Variants in ROBO2 observed in about 807,000 individuals in gnomAD.
ROBO2 encodes roundabout homolog 2.
Under a neutral mutation model 160.8 loss-of-function variants are expected in ROBO2, and 53 were observed. That is an observed-to-expected ratio of 0.33 (90% CI 0.26 to 0.41). The LOEUF (loss-of-function observed/expected upper bound fraction) is 0.41, where lower values mean the gene tolerates loss of function less well. ROBO2 is among the 10% of genes least tolerant of loss of function. The probability of loss-of-function intolerance (pLI) is 1.00; values close to 1 mark genes in which losing one functional copy is unlikely to be tolerated. For synonymous variants in ROBO2, 664 were observed against 611.7 expected, an observed-to-expected ratio of 1.09 and a Z score of -1.26; for missense variants, 1,577 against 1,722.4, an observed-to-expected ratio of 0.92 and a Z score of 1.49.
At chr3:77,082,657 T>G (rs1210089909) in intron 1 of ROBO2, among the ~76,000 whole-genome samples, 5 of 151,670 alleles carry the variant, frequency 3.3e-5, no homozygotes, top group Admixed American at 6.6e-5. Flanking sequence ...ATATACAATT[T>G]CTTTCAGTGT....
intron 2 of ROBO2, among the ~76,000 whole-genome samples, chr3:76,889,776 G>A (rs2074196755): frequency 6.6e-6 from 1 of 152,196 alleles, no homozygotes; most frequent in Admixed American, 6.5e-5. Context: ...GGAATAGAGA[G>A]TGCTTGGGGA....
At chr3:76,731,576 G>A (rs2093638388) in intron 2 of ROBO2, among the ~76,000 whole-genome samples, 1 of 152,100 alleles carries the variant, frequency 6.6e-6, no homozygotes, top group Non-Finnish European at 1.5e-5. Flanking sequence ...TGAATGACCA[G>A]ATTGAAATAA....
chr3:77,017,648 G>C (rs528803311), intron 2 of ROBO2, among the ~76,000 whole-genome samples: 176 of 152,100 alleles, frequency 1.2e-3, no homozygotes, highest in Non-Finnish European at 2.0e-3. Flanking sequence ...GACACATCAG[G>C]TAGAAACACA....
chr3:76,928,465 T>C (rs927111447), intron 2 of ROBO2, among the ~76,000 whole-genome samples: 1 of 152,064 alleles, frequency 6.6e-6, no homozygotes, highest in African/African-American at 2.4e-5. Context: ...TTTTTTTTTT[T>C]TTTTGCAGAA....
chr3:76,798,486 T>C lies in ROBO2; in HGVS notation c.110-299528T>C, dbSNP rs1233209017. ...AGTTCAACATATGCAAGTCAGTCAA[T>C]GTGATACATCATTTGAACTGAATGA... is the stretch of plus-strand genomic sequence containing the variant. On this transcript the variant is annotated intron_variant, in intron 2 of 26. Coordinates refer to the ROBO2 transcript ENST00000487694. Among the ~76,000 whole-genome samples the C allele has an allele frequency of 2.0e-5, 3 of 152,214 alleles. No individual in the cohort carries two copies. In the East Asian group the frequency reaches 5.8e-4, roughly 29 times the overall value.
chr3:76,806,608 T>C (rs1176573399), intron 2 of ROBO2, among the ~76,000 whole-genome samples: 1 of 152,020 alleles, frequency 6.6e-6, no homozygotes, highest in Non-Finnish European at 1.5e-5. Context: ...TTCTCAGAGA[T>C]GCAATCCAAA....
chr3:76,167,020 C>T (rs1400547489), intron 2 of ROBO2, among the ~76,000 whole-genome samples: 1 of 152,116 alleles, frequency 6.6e-6, no homozygotes, highest in Non-Finnish European at 1.5e-5. Context: ...TCTTGGCTCA[C>T]TGGTCTGCCT....
intron 2 of ROBO2, among the ~76,000 whole-genome samples, chr3:76,570,971 A>C (rs1450761160): frequency 6.6e-6 from 1 of 152,154 alleles, no homozygotes; most frequent in African/African-American, 2.4e-5. Flanking sequence ...GAATACAAGA[A>C]AAAATGTTCT....
intron 2 of ROBO2, among the ~76,000 whole-genome samples, chr3:76,679,721 G>A (rs541431785): frequency 5.9e-5 from 9 of 152,194 alleles, no homozygotes; most frequent in South Asian, 2.1e-4. Flanking sequence ...GCTACATTAG[G>A]TAACATATAA....
chr3:75,956,395 G>A (rs1948724180), intron 2 of ROBO2, among the ~76,000 whole-genome samples: 1 of 151,618 alleles, frequency 6.6e-6, no homozygotes, highest in East Asian at 2.0e-4. Context: ...TGAGACTTAT[G>A]CATTACAAAT....
intron 1 of ROBO2, among the ~76,000 whole-genome samples, chr3:77,063,781 A>G (rs1203526296): frequency 2.6e-5 from 4 of 152,196 alleles, no homozygotes; most frequent in Non-Finnish European, 4.4e-5. Context: ...TGCCTATTCT[A>G]GACTCAGCCA....
chr3:76,797,191 A>C (rs2063765212), intron 2 of ROBO2, among the ~76,000 whole-genome samples: 1 of 152,160 alleles, frequency 6.6e-6, no homozygotes, highest in South Asian at 2.1e-4. Context: ...CAGACCTTAC[A>C]TTAGGCCAAA....
intron 2 of ROBO2, among the ~76,000 whole-genome samples, chr3:76,038,137 G>A (rs550771822): frequency 1.3e-5 from 2 of 152,142 alleles, no homozygotes; most frequent in South Asian, 4.1e-4. Context: ...GTTTGGGAAA[G>A]AACAGGAAGT....
At chr3:76,759,612 T>C (rs939570955) in intron 2 of ROBO2, among the ~76,000 whole-genome samples, 2 of 151,724 alleles carry the variant, frequency 1.3e-5, no homozygotes, top group Non-Finnish European at 2.9e-5. Flanking sequence ...GGATCAAGTA[T>C]TTGACCAAAC....
intron 2 of ROBO2, among the ~76,000 whole-genome samples, chr3:76,994,101 TTG>T (rs63049161): frequency 0.53 from 79,450 of 150,818 alleles, 21,698 homozygotes; most frequent in East Asian, 0.75. Flanking sequence ...TTTTTTTTTT[TTG>T]TTGTTTTAAA....
chr3:76,978,077 C>A (rs559981075), intron 2 of ROBO2, among the ~76,000 whole-genome samples: 5 of 152,238 alleles, frequency 3.3e-5, no homozygotes, highest in South Asian at 2.1e-4. Flanking sequence ...TTATATATGT[C>A]CCTGACAATA....
intron 2 of ROBO2, among the ~76,000 whole-genome samples, chr3:77,421,400 T>C (rs575645584): frequency 2.0e-5 from 3 of 152,148 alleles, no homozygotes; most frequent in Non-Finnish European, 4.4e-5. Context: ...TATGGCCATC[T>C]TCAACCTTAT....
chr3:75,994,651 T>C (rs1174783203), intron 2 of ROBO2, among the ~76,000 whole-genome samples: 1 of 152,198 alleles, frequency 6.6e-6, no homozygotes, highest in Non-Finnish European at 1.5e-5. Context: ...TATTTCCTTA[T>C]AGCAATGTAA....
chr3:76,400,908 A>G (rs998931238), intron 2 of ROBO2, among the ~76,000 whole-genome samples: 1 of 151,544 alleles, frequency 6.6e-6, no homozygotes, highest in South Asian at 2.1e-4. Context: ...GCAGATTGCT[A>G]TTATGTTCAG....
Sources: gnomAD v4.1 joint callset for allele counts (sites outside exome capture counted in the v4.1 genomes callset) on GRCh38, gnomAD v4.1.1 for gene constraint, MANE v1.5 for transcripts, NCBI Gene and HGNC (gene_info 2026-07-23, HGNC 2026-07-21) for gene names.